The following GRIA4 variants were observed in gnomAD, a reference collection of about 807,000 sequenced individuals.
GRIA4 encodes the protein glutamate ionotropic receptor AMPA type subunit 4.
GRIA4 carries 34 observed loss-of-function variants against 104.0 expected under a neutral mutation model. The ratio of observed to expected loss-of-function variants is 0.33; its 90% CI spans 0.25 to 0.44. The LOEUF (loss-of-function observed/expected upper bound fraction) is 0.44, where lower values mean the gene tolerates loss of function less well. GRIA4 is among the 20% of genes least tolerant of loss of function. The pLI, the probability that GRIA4 is intolerant of heterozygous loss-of-function variation, is 1.00. For missense variants in GRIA4, 750 were observed against 1,096.5 expected, an observed-to-expected ratio of 0.68 and a Z score of 4.46; for synonymous variants, 386 against 381.9, an observed-to-expected ratio of 1.01 and a Z score of -0.13.
At chr11:105,658,478 AG>A (rs143842728) in intron 3 of GRIA4, among the ~76,000 whole-genome samples, 10,384 of 152,008 alleles carry the variant, frequency 0.068, 458 homozygotes, top group Non-Finnish European at 0.095. Context: ...GGAAAACTAA[AG>A]AAAAAGTCAC....
chr11:105,866,103 A>G (rs926832877), intron 5 of GRIA4, among the ~76,000 whole-genome samples: 1 of 152,156 alleles, frequency 6.6e-6, no homozygotes, highest in Non-Finnish European at 1.5e-5. Flanking sequence ...GAGTGTTTTC[A>G]TTCTCTGAGA....
At chr11:105,730,774 G>A (rs958469561) in intron 3 of GRIA4, among the ~76,000 whole-genome samples, 2 of 152,130 alleles carry the variant, frequency 1.3e-5, no homozygotes, top group South Asian at 4.1e-4. Flanking sequence ...ACAAGCAGTG[G>A]GGTAAGGATT....
At chr11:105,913,705 G>A (rs934296668) in intron 10 of GRIA4, among the ~76,000 whole-genome samples, 14 of 151,982 alleles carry the variant, frequency 9.2e-5, no homozygotes, top group African/African-American at 3.4e-4. Flanking sequence ...TGGAAAAGGG[G>A]AGATAATACA....
At chr11:105,842,371 TATG>T (rs1262768690) in intron 4 of GRIA4, among the ~76,000 whole-genome samples, 1 of 152,080 alleles carries the variant, frequency 6.6e-6, no homozygotes, top group African/African-American at 2.4e-5. Context: ...GTGTGACTGC[TATG>T]ATAAGGACAG....
At chr11:105,631,692 GA>G (rs1951039607) in intron 3 of GRIA4, among the ~76,000 whole-genome samples, 2 of 151,642 alleles carry the variant, frequency 1.3e-5, no homozygotes, top group African/African-American at 2.4e-5. Context: ...ACACTTTATT[GA>G]AAAAAAAGTC....
chr11:105,829,914 A>G (rs1943911914), intron 4 of GRIA4, among the ~76,000 whole-genome samples: 1 of 151,980 alleles, frequency 6.6e-6, no homozygotes, highest in South Asian at 2.1e-4. Context: ...AGAGAGCTGG[A>G]AAAGTATAAA....
chr11:105,853,123 T>C (rs1944879625), intron 4 of GRIA4, among the ~76,000 whole-genome samples: 1 of 152,148 alleles, frequency 6.6e-6, no homozygotes, highest in Non-Finnish European at 1.5e-5. Flanking sequence ...AATTGCTCTT[T>C]TAAGAACCAG....
chr11:105,893,659 G>A (rs939142078), intron 6 of GRIA4, among the ~76,000 whole-genome samples: 1 of 152,192 alleles, frequency 6.6e-6, no homozygotes, highest in African/African-American at 2.4e-5. Context: ...TCTGAAGGCT[G>A]CAGCTTTGCC....
intron 3 of GRIA4, chr11:105,707,943 A>T (rs1953767226): frequency 6.6e-6 from 1 of 152,186 alleles, no homozygotes; most frequent in Non-Finnish European, 1.5e-5. Flanking sequence ...TCTAACCCTT[A>T]GACTGTTGGT....
chr11:105,888,183 C>G (rs1252810321), intron 6 of GRIA4, among the ~76,000 whole-genome samples: 1 of 150,802 alleles, frequency 6.6e-6, no homozygotes, highest in South Asian at 2.1e-4. Flanking sequence ...AGCGGCCCAG[C>G]CTCTCTTGCT....
chr11:105,874,381 G>T (rs185344247), intron 5 of GRIA4, among the ~76,000 whole-genome samples: 178 of 152,272 alleles, frequency 1.2e-3, no homozygotes, highest in African/African-American at 4.1e-3. Flanking sequence ...ATTTGCTTAG[G>T]ATTGTCTTGG....
intron 3 of GRIA4, among the ~76,000 whole-genome samples, chr11:105,662,130 A>T (rs1027218658): frequency 9.9e-5 from 15 of 151,890 alleles, no homozygotes; most frequent in African/African-American, 3.6e-4. Flanking sequence ...ATGACATTTT[A>T]TTTGAGTCAT....
Position 105,905,276 on chromosome 11 carries a change from A to G in GRIA4, c.1133A>G (p.Glu378Gly). Residue 378 changes from glutamate (E) to glycine (G), a missense_variant, in exon 9 of 17, where the codon GAG becomes GGG. Coordinates refer to ENST00000282499, the MANE Select transcript of GRIA4 (RefSeq NM_000829.4). The stretch of plus-strand genomic sequence containing the variant: ...GTCAATTACACAATGGATGTGTTTG[A>G]GCTGAAAAGCACAGGACCTAGAAAG... Reference protein sequence around the residue: ...RRVNYTMDVFELKSTGPRKVG... With the variant: ...RRVNYTMDVFGLKSTGPRKVG... 1 of 1,592,836 alleles carries G rather than the reference A, an allele frequency of 6.3e-7. No individual in the cohort carries two copies. Among genetic ancestry groups the G allele is most frequent in the Non-Finnish European group, 8.6e-7 (1 of 1,160,736 alleles).
chr11:105,943,752 T>C (rs767416979), intron 14 of GRIA4, among the ~76,000 whole-genome samples: 2 of 152,084 alleles, frequency 1.3e-5, no homozygotes, highest in Non-Finnish European at 2.9e-5. Context: ...AACTCTGTCA[T>C]ATAAGTGACT....
At chr11:105,741,050 C>G (rs752966985) in intron 3 of GRIA4, among the ~76,000 whole-genome samples, 8 of 152,094 alleles carry the variant, frequency 5.3e-5, no homozygotes, top group Admixed American at 3.9e-4. Flanking sequence ...AGACTTGAAG[C>G]TGACTGGGCA....
At chr11:105,656,493 C>A (rs1225114970) in intron 3 of GRIA4, among the ~76,000 whole-genome samples, 1 of 152,032 alleles carries the variant, frequency 6.6e-6, no homozygotes, top group African/African-American at 2.4e-5. Context: ...ACACCAAAAG[C>A]AATGCCAACA....
chr11:105,836,275 A>T (rs992955546), intron 4 of GRIA4, among the ~76,000 whole-genome samples: 3 of 152,114 alleles, frequency 2.0e-5, no homozygotes, highest in African/African-American at 7.2e-5. Context: ...TGACTCACTT[A>T]TCTTGCTCAG....
Position 105,926,892 on chromosome 11 carries a change from AT to A in GRIA4, c.2001del (p.Ile667MetfsTer20). ...SAEDLAKQTE[I>X]AYGTLDSGST... ...AGAAGACCTGGCCAAACAAACAGAAATTGCCTATGGAACACTGGATTCAGGA... is the reference window on the plus strand; with the variant it reads ...AGAAGACCTGGCCAAACAAACAGAAATGCCTATGGAACACTGGATTCAGGA... On this transcript the variant is annotated frameshift_variant, in exon 13 of 17. Transcript: ENST00000282499. LOFTEE classifies it high-confidence loss of function. The A allele has an allele frequency of 6.2e-7, 1 of 1,612,390 alleles. No individual in the cohort carries two copies. The highest frequency in any genetic ancestry group is 8.5e-7 in the Non-Finnish European group (1 of 1,178,794).
At chr11:105,826,310 G>A (rs2135918663) in intron 4 of GRIA4, among the ~76,000 whole-genome samples, 1 of 152,022 alleles carries the variant, frequency 6.6e-6, no homozygotes, top group Middle Eastern at 3.4e-3. Flanking sequence ...ACTTCTTTGG[G>A]TCAGTTTCTC....
Sources: gnomAD v4.1 joint callset for allele counts (sites outside exome capture counted in the v4.1 genomes callset) on GRCh38, gnomAD v4.1.1 for gene constraint, MANE v1.5 for transcripts, NCBI Gene and HGNC (gene_info 2026-07-23, HGNC 2026-07-21) for gene names.